REDIC1: variants seen among roughly 807,000 people sequenced by gnomAD.
REDIC1 encodes HEI10 Interacting Protein 1.
the REDIC1 span, chr12:39,756,261 A>C: frequency 1.3e-5 from 2 of 151,930 alleles, no homozygotes; most frequent in Non-Finnish European, 3.0e-5. Context: ...GCTATAAAGC[A>C]CATATTATAA....
the REDIC1 span, among the ~76,000 whole-genome samples, chr12:39,738,809 C>T: frequency 6.6e-6 from 1 of 151,142 alleles, no homozygotes; most frequent in Non-Finnish European, 1.5e-5. Flanking sequence ...TAGAAAGTGA[C>T]CTTAGTAATT....
chr12:39,899,279 G>T, the REDIC1 span, among the ~76,000 whole-genome samples: 6 of 152,076 alleles, frequency 3.9e-5, no homozygotes, highest in African/African-American at 1.4e-4. Context: ...AGAGGTGTTT[G>T]CAGTATTCTC....
At chr12:39,777,514 G>T in the REDIC1 span, among the ~76,000 whole-genome samples, 2 of 152,172 alleles carry the variant, frequency 1.3e-5, no homozygotes, top group African/African-American at 4.8e-5. Flanking sequence ...CCCAGGGCCC[G>T]GGCCCATGGA....
At chr12:39,733,931 TC>T in the REDIC1 span, among the ~76,000 whole-genome samples, 1 of 152,206 alleles carries the variant, frequency 6.6e-6, no homozygotes, top group Non-Finnish European at 1.5e-5. Flanking sequence ...TTGCTGGCAT[TC>T]CAGGCGCTAC....
At chr12:39,823,270 G>A in the REDIC1 span, among the ~76,000 whole-genome samples, 1 of 152,102 alleles carries the variant, frequency 6.6e-6, no homozygotes, top group Non-Finnish European at 1.5e-5. Context: ...TTAACTTTGA[G>A]CTACATTGTT....
the REDIC1 span, among the ~76,000 whole-genome samples, chr12:39,769,366 G>T: frequency 6.6e-6 from 1 of 151,998 alleles, no homozygotes; most frequent in Non-Finnish European, 1.5e-5. Context: ...CAGGAATTTG[G>T]AGATGCTTTG....
At chr12:39,834,381 C>G in the REDIC1 span, among the ~76,000 whole-genome samples, 1 of 152,046 alleles carries the variant, frequency 6.6e-6, no homozygotes, top group East Asian at 1.9e-4. Flanking sequence ...GCTCTGAAAA[C>G]AAGTGTTCCA....
the REDIC1 span, among the ~76,000 whole-genome samples, chr12:39,772,637 G>A: frequency 6.6e-6 from 1 of 152,116 alleles, no homozygotes; most frequent in Non-Finnish European, 1.5e-5. Flanking sequence ...AAAAAGAAAG[G>A]CAGGCAGGTA....
At chr12:39,778,097 G>A in the REDIC1 span, among the ~76,000 whole-genome samples, 5 of 152,160 alleles carry the variant, frequency 3.3e-5, no homozygotes, top group Non-Finnish European at 7.3e-5. Flanking sequence ...TCCCCTAGAG[G>A]TTTGAGCAGC....
At chr12:39,631,170 G>A in the REDIC1 span, among the ~76,000 whole-genome samples, 6 of 152,044 alleles carry the variant, frequency 3.9e-5, no homozygotes, top group African/African-American at 7.2e-5. Flanking sequence ...GATTACAGGC[G>A]CGAGCCACTG....
the REDIC1 span, among the ~76,000 whole-genome samples, chr12:39,863,376 C>T: frequency 2.3e-4 from 35 of 152,108 alleles, no homozygotes; most frequent in African/African-American, 8.0e-4. Flanking sequence ...TTTCCTATAT[C>T]AGAAGTTCAA....
chr12:39,653,373 TC>T, the REDIC1 span, among the ~76,000 whole-genome samples: 2 of 151,970 alleles, frequency 1.3e-5, no homozygotes, highest in African/African-American at 4.8e-5. Flanking sequence ...GAATCTTACA[TC>T]TTTTGACTTT....
chr12:39,775,835 C>T, the REDIC1 span, among the ~76,000 whole-genome samples: 2 of 152,098 alleles, frequency 1.3e-5, no homozygotes, highest in Non-Finnish European at 2.9e-5. Context: ...TACTTGAGAC[C>T]AGAAGTGTTT....
At chr12:39,711,524 T>TGTGCATACACATGC in the REDIC1 span, among the ~76,000 whole-genome samples, 6 of 141,262 alleles carry the variant, frequency 4.2e-5, no homozygotes, top group African/African-American at 1.5e-4. Context: ...TATATGTGTA[T>TGTGCATACACATGC]ATGTGTATAT....
At chr12:39,768,292 C>G in the REDIC1 span, among the ~76,000 whole-genome samples, 1 of 152,186 alleles carries the variant, frequency 6.6e-6, no homozygotes, top group Non-Finnish European at 1.5e-5. Flanking sequence ...TCTATCCAGA[C>G]CACTCAAACT....
At chr12:39,764,788 A>G in the REDIC1 span, 2 of 1,612,862 alleles carry the variant, frequency 1.2e-6, no homozygotes, top group Admixed American at 3.3e-5. Flanking sequence ...GCAGTCCAGG[A>G]GTATGGAGTA....
the REDIC1 span, among the ~76,000 whole-genome samples, chr12:39,883,785 C>T: frequency 6.6e-6 from 1 of 152,154 alleles, no homozygotes. Context: ...GTTTTATGCA[C>T]ATTATTTATA....
chr12:39,897,393 AC>A, the REDIC1 span, among the ~76,000 whole-genome samples: 18 of 152,240 alleles, frequency 1.2e-4, no homozygotes, highest in African/African-American at 3.9e-4. Flanking sequence ...ACAATTCCCA[AC>A]TGCCTACCCC....
chr12:39,907,163 A>G, the REDIC1 span, among the ~76,000 whole-genome samples: 1 of 152,186 alleles, frequency 6.6e-6, no homozygotes, highest in Non-Finnish European at 1.5e-5. Context: ...GTATTTCAAA[A>G]TAACACACAA....
Sources: allele counts gnomAD v4.1 joint callset (sites outside exome capture counted in the v4.1 genomes callset), GRCh38; gene constraint gnomAD v4.1.1; transcripts MANE v1.5; gene names NCBI Gene and HGNC (gene_info 2026-07-23, HGNC 2026-07-21).